PELI2: variants seen among roughly 807,000 people sequenced by gnomAD.
PELI2 encodes the protein pellino E3 ubiquitin protein ligase family member 2, also known as E3 ubiquitin-protein ligase pellino homolog 2.
In PELI2, 23 loss-of-function variants were observed where a neutral mutation model predicts 42.3. The observed-to-expected ratio is 0.54, with a 90% confidence interval of 0.39 to 0.77. The LOEUF (loss-of-function observed/expected upper bound fraction) is 0.77, where lower values mean the gene tolerates loss of function less well. Among genes scored for constraint, PELI2 ranks in the 30% least tolerant of loss-of-function variants. The probability of loss-of-function intolerance (pLI) is 0.00; values close to 1 mark genes in which losing one functional copy is unlikely to be tolerated. For missense variants in PELI2, 463 were observed against 553.2 expected, an observed-to-expected ratio of 0.84 and a Z score of 1.64; for synonymous variants, 245 against 212.2, an observed-to-expected ratio of 1.15 and a Z score of -1.34.
chr14:56,150,917 A>G (rs189479996), intron 1 of PELI2, among the ~76,000 whole-genome samples: 6 of 152,320 alleles, frequency 3.9e-5, no homozygotes, highest in Admixed American at 2.6e-4. Flanking sequence ...GGATTCCTTC[A>G]TCCTTGACCC....
intron 2 of PELI2, among the ~76,000 whole-genome samples, chr14:56,215,739 G>T (rs1886888207): frequency 6.6e-6 from 1 of 152,180 alleles, no homozygotes; most frequent in African/African-American, 2.4e-5. Flanking sequence ...TTGCAAATCA[G>T]ATTTTTAATT....
intron 3 of PELI2, 93 bp downstream of exon 3, chr14:56,279,870 CA>C (rs1282250113): frequency 1.8e-6 from 1 of 558,362 alleles, no homozygotes; most frequent in Non-Finnish European, 3.1e-6. Flanking sequence ...CCAGTATGTC[CA>C]GGGGGAAAGA....
chr14:56,265,056 T>C (rs1009059956), intron 2 of PELI2, among the ~76,000 whole-genome samples: 1 of 152,188 alleles, frequency 6.6e-6, no homozygotes, highest in Non-Finnish European at 1.5e-5. Context: ...AACAGTGATG[T>C]GAATTCTACC....
intron 1 of PELI2, among the ~76,000 whole-genome samples, chr14:56,136,624 C>T (rs1883696827): frequency 6.6e-6 from 1 of 152,110 alleles, no homozygotes; most frequent in South Asian, 2.1e-4. Flanking sequence ...TTGTTACATC[C>T]TCTGATGTAA....
chr14:56,252,213 T>G (rs985386813), intron 2 of PELI2, among the ~76,000 whole-genome samples: 1 of 152,190 alleles, frequency 6.6e-6, no homozygotes, highest in Non-Finnish European at 1.5e-5. Flanking sequence ...TAGCCAGACT[T>G]GATAAAAAGG....
intron 1 of PELI2, among the ~76,000 whole-genome samples, chr14:56,126,008 C>T (rs1883244954): frequency 6.6e-6 from 1 of 152,226 alleles, no homozygotes; most frequent in African/African-American, 2.4e-5. Context: ...GTAAACAATC[C>T]TACCAACCTT....
At chr14:56,285,763 G>A (rs979059687) in intron 3 of PELI2, among the ~76,000 whole-genome samples, 1 of 152,136 alleles carries the variant, frequency 6.6e-6, no homozygotes. Flanking sequence ...GTGAGGAAGT[G>A]GAGGAGATAA....
intron 2 of PELI2, among the ~76,000 whole-genome samples, chr14:56,227,911 C>T (rs956836662): frequency 2.6e-5 from 4 of 152,046 alleles, no homozygotes; most frequent in Admixed American, 2.6e-4. Context: ...GTATAAGCAC[C>T]GAAGTAAATT....
At chr14:56,187,488 G>A (rs1427995800) in intron 2 of PELI2, among the ~76,000 whole-genome samples, 1 of 152,168 alleles carries the variant, frequency 6.6e-6, no homozygotes, top group African/African-American at 2.4e-5. Context: ...ACCGCTTGTA[G>A]TAGAGAATAT....
intron 3 of PELI2, among the ~76,000 whole-genome samples, chr14:56,282,862 T>G (rs1313452604): frequency 2.0e-5 from 3 of 152,138 alleles, no homozygotes; most frequent in Non-Finnish European, 4.4e-5. Context: ...TATTTTCAAT[T>G]TATAAGTTTT....
At chr14:56,262,666 G>C (rs17689588) in intron 2 of PELI2, among the ~76,000 whole-genome samples, 6,771 of 152,196 alleles carry the variant, frequency 0.044, 215 homozygotes, top group Non-Finnish European at 0.067. Flanking sequence ...TAAGGTTTTA[G>C]TCACATGCCA....
At chr14:56,226,083 A>AG (rs879832864) in intron 2 of PELI2, among the ~76,000 whole-genome samples, 2 of 151,606 alleles carry the variant, frequency 1.3e-5, no homozygotes, top group Admixed American at 1.3e-4. Context: ...AGGAAAAAAA[A>AG]AAGAAGAAGA....
At chr14:56,232,982 C>T (rs1887642646) in intron 2 of PELI2, among the ~76,000 whole-genome samples, 1 of 152,120 alleles carries the variant, frequency 6.6e-6, no homozygotes, top group Non-Finnish European at 1.5e-5. Flanking sequence ...AGAGCCAAAT[C>T]ATGAGTGAAG....
intron 2 of PELI2, among the ~76,000 whole-genome samples, chr14:56,229,087 C>A (rs1419532013): frequency 1.3e-5 from 2 of 152,222 alleles, no homozygotes; most frequent in South Asian, 2.1e-4. Flanking sequence ...AGTAGGTAAA[C>A]AAAGCAGCCA....
chr14:56,123,132 T>C (rs1274244758), intron 1 of PELI2, among the ~76,000 whole-genome samples: 2 of 151,936 alleles, frequency 1.3e-5, no homozygotes, highest in Non-Finnish European at 1.5e-5. Flanking sequence ...CAGTGTTTTG[T>C]TAGGTAAGAC....
chr14:56,276,449 GCATGTTGGA>G lies in PELI2; in HGVS notation c.208-3225_208-3217del, dbSNP rs564341763. On this transcript the variant is annotated intron_variant, in intron 2 of 5. Transcript: ENST00000267460. Reference sequence around the variant, plus strand: ...CACGTTTCTGCTTTCCATAGGTGCAGCATGTTGGACCCCAGGGCACCAGTACTCCGGGCC... The same window carrying G: ...CACGTTTCTGCTTTCCATAGGTGCAGCCCCAGGGCACCAGTACTCCGGGCC... Among the ~76,000 whole-genome samples, 140 of 152,270 alleles carry G rather than the reference GCATGTTGGA, an allele frequency of 9.2e-4. 2 individuals carry two copies. Among genetic ancestry groups the G allele is most frequent in the African/African-American group, 3.1e-3 (130 of 41,556 alleles).
At position 56,288,518 on chromosome 14, in the gene PELI2, A is replaced by G. The variant is rs765034506; in HGVS notation, c.391A>G (p.Ile131Val). The G allele has an allele frequency of 8.1e-6, 13 of 1,614,026 alleles. No individual in the cohort carries two copies. The highest frequency in any genetic ancestry group is 1.1e-5 in the Non-Finnish European group (13 of 1,180,006). The change falls in exon 4 of 6, where the codon ATC becomes GTC. Residue 131 changes from isoleucine to valine, a missense_variant. By Grantham distance (29) the Ile-to-Val change is conservative. Transcript: ENST00000267460. The surrounding 1 kb of genome is among the most constrained non-coding windows in gnomAD (Gnocchi z 4.6). Reference protein sequence around the residue: ...SGSQNTDEAQITQSTISRFAC... With the variant: ...SGSQNTDEAQVTQSTISRFAC... ...CAGCCAGAACACGGACGAAGCCCAG[A>G]TCACACAGAGCACCATATCCAGGTT...
intron 2 of PELI2, among the ~76,000 whole-genome samples, chr14:56,205,496 A>G (rs1886485028): frequency 6.6e-6 from 1 of 152,136 alleles, no homozygotes; most frequent in African/African-American, 2.4e-5. Context: ...CTTAGCTAGG[A>G]CTGGACTGAA....
chr14:56,144,957 A>T (rs1188661566), intron 1 of PELI2: 6 of 983,504 alleles, frequency 6.1e-6, no homozygotes, highest in African/African-American at 1.7e-5. Context: ...GAGAAGAGGG[A>T]TGTGGAAGAC....
Sources: gnomAD v4.1 joint callset for allele counts (sites outside exome capture counted in the v4.1 genomes callset) on GRCh38, gnomAD v4.1.1 for gene constraint, Gnocchi (gnomAD v3.1) non-coding constraint, MANE v1.5 for transcripts, NCBI Gene and HGNC (gene_info 2026-07-23, HGNC 2026-07-21) for gene names.